Variants in PTPN21 observed in about 807,000 individuals in gnomAD.
The protein encoded by PTPN21 is protein tyrosine phosphatase non-receptor type 21.
In PTPN21, 77 loss-of-function variants were observed where a neutral mutation model predicts 131.8. That is an observed-to-expected ratio of 0.58 (90% CI 0.49 to 0.71). The LOEUF (loss-of-function observed/expected upper bound fraction) is 0.71. Ranked by LOEUF, PTPN21 falls within the 30% of genes least tolerant of loss-of-function variation. PTPN21 has a pLI of 0.00. For missense variants in PTPN21, 1,552 were observed against 1,527.1 expected (o/e 1.02, Z -0.27); for synonymous variants, 715 against 621.3 (o/e 1.15, Z -2.24).
intron 14 of PTPN21, 128 bp from the exon 15 acceptor site, chr14:88,472,593 G>C (rs1595341000): frequency 1.5e-6 from 1 of 657,198 alleles, no homozygotes; most frequent in Non-Finnish European, 2.6e-6. Flanking sequence ...TTCTAGGTTG[G>C]GCACGGTGTC....
At chr14:88,477,446 T>TCAAA (rs369022409) in intron 13 of PTPN21, among the ~76,000 whole-genome samples, 1,159 of 76,286 alleles carry the variant, frequency 0.015, 23 homozygotes, top group Middle Eastern at 0.067. Flanking sequence ...AAGACTGTTC[T>TCAAA]AAAAAAAAAA....
chr14:88,550,956 G>A (rs1387467166), intron 1 of PTPN21, among the ~76,000 whole-genome samples: 1 of 152,076 alleles, frequency 6.6e-6, no homozygotes, highest in South Asian at 2.1e-4. Context: ...TTTTTTCATA[G>A]GTAACTCTTT....
chr14:88,527,309 C>A (rs774745582), intron 2 of PTPN21, among the ~76,000 whole-genome samples: 1 of 152,138 alleles, frequency 6.6e-6, no homozygotes, highest in African/African-American at 2.4e-5. Context: ...CACATTTACA[C>A]CAACATCTAT....
In PTPN21 at chr14:88,492,838, C is replaced by T. The variant is rs193178625; in HGVS notation, c.932+3575G>A. 817 of 273,226 alleles carry T rather than the reference C, an allele frequency of 3.0e-3. 2 individuals are homozygous for T. Among genetic ancestry groups the T allele is most frequent in the Non-Finnish European group, 4.5e-3 (617 of 138,110 alleles). The allele number at this position is 273,226 out of a possible 1,614,324, so 16.9% of individuals were successfully genotyped here. On this transcript the variant is annotated intron_variant, in intron 10 of 18. Transcript: ENST00000556564. ...CTCCCATCACTGCCACACTCCGGCT[C>T]CCATTGTTCACTAAGCCCTTATGCA...
chr14:88,486,347 G>A (rs1264285854), intron 10 of PTPN21, among the ~76,000 whole-genome samples: 1 of 152,120 alleles, frequency 6.6e-6, no homozygotes, highest in African/African-American at 2.4e-5. Flanking sequence ...TTAAAAGTCT[G>A]TTAACCACAG....
chr14:88,474,131 CAA>C (rs754719071), intron 13 of PTPN21, among the ~76,000 whole-genome samples: 100 of 46,662 alleles, frequency 2.1e-3, no homozygotes, highest in African/African-American at 7.6e-3. Context: ...AGCTGAAGTC[CAA>C]AAAAAAAAAA....
At chr14:88,551,499 G>C (rs1267322472) in intron 1 of PTPN21, 1 of 152,220 alleles carries the variant, frequency 6.6e-6, no homozygotes, top group Non-Finnish European at 1.5e-5. Flanking sequence ...TAGACTCGGA[G>C]GCCCCGGAAC....
At chr14:88,496,337 G>T in intron 10 of PTPN21, 76 bp downstream of exon 10, 1 of 1,275,596 alleles carries the variant, frequency 7.8e-7, no homozygotes, top group Non-Finnish European at 1.1e-6. Flanking sequence ...TGTCTTTCTT[G>T]ATGATACAGT....
intron 10 of PTPN21, among the ~76,000 whole-genome samples, chr14:88,487,965 C>CA (rs535857551): frequency 0.023 from 2,134 of 92,432 alleles, 78 homozygotes; most frequent in African/African-American, 0.062. Context: ...GACTCCATCT[C>CA]AAAAAAAAAA....
Position 88,480,212 on chromosome 14 carries a change from G to C in PTPN21, c.1219C>G (p.Gln407Glu). ...AHSTNSLNNPQPYLQPSPMSS... is the reference protein window; with the variant it reads ...AHSTNSLNNPEPYLQPSPMSS... Reference sequence around the variant, plus strand: ...ATCGGCGAGGGCTGCAAGTAGGGCTGAGGATTATTTAAGGAGTTGGTGCTG... The same window carrying C: ...ATCGGCGAGGGCTGCAAGTAGGGCTCAGGATTATTTAAGGAGTTGGTGCTG... The change falls in exon 13 of 19, where the codon CAG becomes GAG. Residue 407 changes from glutamine (Q) to glutamate (E), a missense_variant. Physicochemically the swap from Gln to Glu is conservative, Grantham distance 29. This residue lies in a region of PTPN21 where 1,016 missense variants were observed against 883.5 expected (regional missense o/e 1.15). Transcript: ENST00000556564. The C allele has an allele frequency of 6.2e-7, 1 of 1,614,190 alleles. No homozygotes were observed. The highest frequency in any genetic ancestry group is 8.5e-7 in the Non-Finnish European group (1 of 1,180,018).
chr14:88,542,868 C>T (rs2078725758), intron 2 of PTPN21, among the ~76,000 whole-genome samples: 1 of 152,196 alleles, frequency 6.6e-6, no homozygotes, highest in African/African-American at 2.4e-5. Context: ...ATAGCTCTAA[C>T]TGAAAATATT....
intron 8 of PTPN21, 42 bp from the exon 9 acceptor site, chr14:88,497,332 T>C (rs773197979): frequency 2.7e-6 from 4 of 1,472,674 alleles, no homozygotes; most frequent in Admixed American, 1.7e-5. Flanking sequence ...TGAGTGCCCA[T>C]GGGGGAAACA....
chr14:88,490,851 T>G (rs1010736662), intron 10 of PTPN21, among the ~76,000 whole-genome samples: 67 of 152,176 alleles, frequency 4.4e-4, no homozygotes, highest in Admixed American at 4.4e-3. Context: ...GCTTTGCAGG[T>G]TGAAGGATAC....
At chr14:88,527,828 G>A (rs2078501625) in intron 2 of PTPN21, among the ~76,000 whole-genome samples, 1 of 152,122 alleles carries the variant, frequency 6.6e-6, no homozygotes, top group Non-Finnish European at 1.5e-5. Context: ...GTTGATTTTT[G>A]TATAAGGTGA....
At chr14:88,523,357 T>C (rs532499102) in intron 2 of PTPN21, among the ~76,000 whole-genome samples, 14 of 152,208 alleles carry the variant, frequency 9.2e-5, no homozygotes, top group African/African-American at 3.1e-4. Context: ...ATCATCTCAA[T>C]TGATGCAGGA....
At position 88,508,159 on chromosome 14, in the gene PTPN21, T is replaced by G; in HGVS notation, c.351-139A>C. 2 of 542,878 alleles carry G rather than the reference T, an allele frequency of 3.7e-6. 1 individual carries two copies. The highest frequency in any genetic ancestry group is 6.5e-6 in the Non-Finnish European group (2 of 309,412). The allele number at this position is 542,878 out of a possible 1,614,324, so 33.6% of individuals were successfully genotyped here. A position where few individuals can be genotyped will look rare whatever the true frequency, so the allele number is the denominator to read the frequency against. On this transcript the variant is annotated intron_variant, in intron 3 of 18. Transcript: ENST00000556564. Reference sequence around the variant, plus strand: ...CCACATGGTTGTGTGTGTTTTTTTTTTTTTTTTTAGATAGGGTCTCCCTTT... The same window carrying G: ...CCACATGGTTGTGTGTGTTTTTTTTGTTTTTTTTAGATAGGGTCTCCCTTT...
At position 88,479,862 on chromosome 14, in the gene PTPN21, G is replaced by T; in HGVS notation, c.1569C>A (p.Pro523=). ...GCCGCCGCTCGGCAGGGTAGGGGTAGGGAGACGGGCTGTGGAAGCTGTAGC... is the reference window on the plus strand; with the variant it reads ...GCCGCCGCTCGGCAGGGTAGGGGTATGGAGACGGGCTGTGGAAGCTGTAGC... The part of the protein sequence containing the change: ...SLSYSFHSPS[P]YPYPAERRPV... The change falls in exon 13 of 19, where the codon CCC becomes CCA. Residue 523 remains proline (P), a synonymous_variant. Transcript: ENST00000556564. 2.5e-6 allele frequency: 4 copies of T among 1,571,630 alleles called. No individual in the cohort carries two copies. In the South Asian group the frequency reaches 4.7e-5, roughly 18 times the overall value.
chr14:88,512,145 C>T (rs1204873930), intron 3 of PTPN21, among the ~76,000 whole-genome samples: 7 of 152,154 alleles, frequency 4.6e-5, no homozygotes, highest in African/African-American at 1.7e-4. Flanking sequence ...TTTCTGCATC[C>T]ATCCTGTCCT....
At position 88,479,125 on chromosome 14, in the gene PTPN21, T is replaced by A. The variant is rs576269161; in HGVS notation, c.2306A>T (p.Lys769Met). The A allele has an allele frequency of 6.4e-6, 10 of 1,558,666 alleles. No individual in the cohort carries two copies. In the South Asian group the frequency reaches 7.3e-5, roughly 11 times the overall value. The change falls in exon 13 of 19, where the codon AAG (lysine) becomes ATG (methionine). Residue 769 changes from lysine to methionine, a missense_variant. Coordinates refer to ENST00000556564, the MANE Select transcript of PTPN21 (RefSeq NM_007039.4). ...EPKAHVPDAE[K>M]RMMDSSPVRT... is the part of the protein sequence containing the mutation. ...GACGGGGCTGCTGTCCATCATCCTC[T>A]TCTCCGCGTCTGGGACGTGGGCCTT...
Sources: gnomAD v4.1 joint callset for allele counts (sites outside exome capture counted in the v4.1 genomes callset) on GRCh38, gnomAD v4.1.1 for gene constraint, gnomAD v4.1.1 regional missense constraint, MANE v1.5 for transcripts, NCBI Gene and HGNC (gene_info 2026-07-23, HGNC 2026-07-21) for gene names.